Variants in STARD9 observed in about 807,000 individuals in gnomAD.
STARD9 encodes the protein StAR related lipid transfer domain containing 9, also known as stAR-related lipid transfer protein 9.
STARD9 carries 346 observed loss-of-function variants against 399.8 expected under a neutral mutation model. That is an observed-to-expected ratio of 0.87 (90% CI 0.79 to 0.95). The LOEUF (loss-of-function observed/expected upper bound fraction) is 0.95. Among genes scored for constraint, STARD9 ranks in the 40% least tolerant of loss-of-function variants. STARD9 has a pLI of 0.00. For missense variants in STARD9, 5,832 were observed against 5,667.5 expected (o/e 1.03, Z -0.93); for synonymous variants, 2,203 against 2,143.5 (o/e 1.03, Z -0.77).
At position 42,651,141 on chromosome 15, in the gene STARD9, T is replaced by A. The variant is rs2059755112; in HGVS notation, c.629+56T>A. 7 of 1,284,326 alleles carry A rather than the reference T, an allele frequency of 5.5e-6. No individual in the cohort carries two copies. In the South Asian group the frequency reaches 9.2e-5, roughly 17 times the overall value. 79.6% of individuals were successfully genotyped at this position (1,284,326 alleles called of 1,614,324 possible). On this transcript the variant is annotated intron_variant, in intron 8 of 32. Transcript: ENST00000290607. ...TTATCCTCACACTCCTATCCTGTGT[T>A]CCCATTTCCCTTTGGGGAGTGTATA...
intron 4 of STARD9, among the ~76,000 whole-genome samples, chr15:42,637,692 T>G (rs891113298): frequency 6.6e-6 from 1 of 152,168 alleles, no homozygotes; most frequent in Non-Finnish European, 1.5e-5. Context: ...GTGATACATA[T>G]TCCTCTCATT....
At position 42,684,935 on chromosome 15, in the gene STARD9, C is replaced by A; in HGVS notation, c.3357C>A (p.Ala1119=). 1 of 1,537,026 alleles carries A rather than the reference C, an allele frequency of 6.5e-7. No individual in the cohort carries two copies. The highest frequency in any genetic ancestry group is 1.4e-5 in the African/African-American group (1 of 73,150). The change falls in exon 23 of 33, where the codon GCC becomes GCA. Residue 1119 remains alanine, a synonymous_variant. Coordinates refer to ENST00000290607, the MANE Select transcript of STARD9 (RefSeq NM_020759.3). ...CTCTCTCATGTGTCTATGCCAAAGCCCTGATAGAGCCACTGAAGCCAGAGG... is the reference window on the plus strand; with the variant it reads ...CTCTCTCATGTGTCTATGCCAAAGCACTGATAGAGCCACTGAAGCCAGAGG... ...LDSLSCVYAK[A]LIEPLKPEER... is the part of the protein sequence containing the mutation.
intron 3 of STARD9, among the ~76,000 whole-genome samples, chr15:42,628,212 CT>C (rs1487131825): frequency 2.0e-5 from 3 of 152,084 alleles, no homozygotes; most frequent in Non-Finnish European, 4.4e-5. Context: ...TTTTATATGT[CT>C]GTCATTTGTA....
intron 26 of STARD9, 61 bp downstream of exon 26, chr15:42,695,941 C>T: frequency 6.7e-7 from 1 of 1,493,724 alleles, no homozygotes; most frequent in South Asian, 1.3e-5. Flanking sequence ...AGAGTTTGAG[C>T]AGGACGCTGT....
chr15:42,597,998 A>ATGTGTGTG (rs770352086), intron 3 of STARD9, among the ~76,000 whole-genome samples: 19,459 of 111,582 alleles, frequency 0.17, 2,041 homozygotes, highest in Non-Finnish European at 0.22. Context: ...TTGTATATAT[A>ATGTGTGTG]TATGTGTGTG....
intron 26 of STARD9, among the ~76,000 whole-genome samples, chr15:42,712,096 T>TATATATATATAAAATATAA (rs1566966126): frequency 0.014 from 7 of 508 alleles, no homozygotes; most frequent in African/African-American, 0.025. Flanking sequence ...TATATATATA[T>TATATATATATAAAATATAA]AATATATAAT....
At chr15:42,638,286 T>C in intron 6 of STARD9, 199 bp downstream of exon 6, 2 of 610,102 alleles carry the variant, frequency 3.3e-6, no homozygotes. Flanking sequence ...ACCCATAGAC[T>C]TAACAAGCAG....
At chr15:42,663,721 C>A in intron 12 of STARD9, 99 bp from the exon 13 acceptor site, 1 of 971,236 alleles carries the variant, frequency 1.0e-6, no homozygotes, top group Non-Finnish European at 1.6e-6. Flanking sequence ...CTCATTTCAT[C>A]AGGGGTCTTA....
chr15:42,704,948 G>A (rs942798816), intron 26 of STARD9, among the ~76,000 whole-genome samples: 1 of 152,344 alleles, frequency 6.6e-6, no homozygotes, highest in East Asian at 1.9e-4. Flanking sequence ...CAAGGCCCAG[G>A]CTGCTACCAT....
intron 3 of STARD9, among the ~76,000 whole-genome samples, chr15:42,620,830 C>T (rs2059078053): frequency 6.6e-6 from 1 of 152,000 alleles, no homozygotes; most frequent in Non-Finnish European, 1.5e-5. Context: ...TCTTGGCTCA[C>T]TGCAACCTCC....
chr15:42,693,729 C>G lies in STARD9; in HGVS notation c.12151C>G (p.Gln4051Glu). Residue 4051 changes from glutamine to glutamate, a missense_variant, in exon 23 of 33, where the codon CAG becomes GAG. Physicochemically the swap from Gln to Glu is conservative, Grantham distance 29 (BLOSUM62 2). This residue lies in a region of STARD9 where 5,828 missense variants were observed against 5,651.1 expected (regional missense o/e 1.03). Coordinates refer to ENST00000290607, the MANE Select transcript of STARD9 (RefSeq NM_020759.3). ...HCPLSGREPS[Q>E]WQSRTENGGE... Reference sequence around the variant, plus strand: ...CCCACTGAGCGGTAGGGAGCCAAGTCAGTGGCAGAGCAGGACAGAAAATGG... The same window carrying G: ...CCCACTGAGCGGTAGGGAGCCAAGTGAGTGGCAGAGCAGGACAGAAAATGG... 6.5e-7 allele frequency: 1 copy of G among 1,536,922 alleles called. No homozygotes were observed. Among genetic ancestry groups the G allele is most frequent in the Non-Finnish European group, 8.7e-7 (1 of 1,146,898 alleles).
chr15:42,621,663 C>T (rs1205515198), intron 3 of STARD9, among the ~76,000 whole-genome samples: 3 of 152,176 alleles, frequency 2.0e-5, no homozygotes, highest in African/African-American at 7.2e-5. Context: ...TGAAACTTGG[C>T]TACTTGTTAC....
chr15:42,655,833 A>G (rs949559988), intron 9 of STARD9, among the ~76,000 whole-genome samples: 3 of 152,212 alleles, frequency 2.0e-5, no homozygotes, highest in African/African-American at 7.2e-5. Context: ...TATGCATCCT[A>G]CGAAGGACTA....
chr15:42,694,292 G>T lies in STARD9; in HGVS notation c.12714G>T (p.Ala4238=). The T allele has an allele frequency of 1.3e-6, 2 of 1,517,354 alleles. No homozygotes were observed. Among genetic ancestry groups the T allele is most frequent in the Non-Finnish European group, 1.8e-6 (2 of 1,136,590 alleles). The allele number at this position is 1,517,354 out of a possible 1,614,324, so 94.0% of individuals were successfully genotyped here. A position where few individuals can be genotyped will look rare whatever the true frequency, so the allele number is the denominator to read the frequency against. ...LQVLQSGTGE[A]LAADEPVTST... ...TGCTGCAGAGTGGGACAGGGGAGGC[G>T]CTTGCTGCTGATGAACCTGTGACAT... The change falls in exon 23 of 33, where the codon GCG becomes GCT. Residue 4238 remains alanine (A), a synonymous_variant. Coordinates refer to ENST00000290607, the MANE Select transcript of STARD9 (RefSeq NM_020759.3).
At chr15:42,615,999 T>C (rs967818762) in intron 3 of STARD9, among the ~76,000 whole-genome samples, 2 of 152,164 alleles carry the variant, frequency 1.3e-5, no homozygotes, top group Non-Finnish European at 2.9e-5. Flanking sequence ...ATTTGAGTAC[T>C]TCAATGAGTA....
chr15:42,683,928 C>T (rs2060488871), intron 22 of STARD9, among the ~76,000 whole-genome samples, 188 bp from the exon 23 acceptor site: 1 of 152,154 alleles, frequency 6.6e-6, no homozygotes, highest in Non-Finnish European at 1.5e-5. Context: ...AATTGAGGAA[C>T]AGAGTGGGCC....
In STARD9 at chr15:42,661,160, A is replaced by C; in HGVS notation, c.705A>C (p.Ala235=). ...HAIFTIHYTQ[A]ILENNLPSEM... ...GCTTTAAATGTTTTCTCCTCTAGGC[A>C]ATCCTGGAGAACAACCTCCCTTCTG... The change falls in exon 10 of 33, where the codon GCA becomes GCC. Residue 235 remains alanine, a splice_region_variant and synonymous_variant. Transcript: ENST00000290607. The C allele has an allele frequency of 6.5e-7, 1 of 1,535,600 alleles. No homozygotes were observed. The highest frequency in any genetic ancestry group is 8.7e-7 in the Non-Finnish European group (1 of 1,145,464).
chr15:42,634,224 G>C (rs1051696249), intron 3 of STARD9, among the ~76,000 whole-genome samples: 1 of 152,146 alleles, frequency 6.6e-6, no homozygotes, highest in African/African-American at 2.4e-5. Context: ...CCTGAGACCA[G>C]AGTCTGCCTA....
At chr15:42,667,902 G>A (rs2060133901) in intron 15 of STARD9, among the ~76,000 whole-genome samples, 1 of 152,182 alleles carries the variant, frequency 6.6e-6, no homozygotes, top group African/African-American at 2.4e-5. Context: ...TAAACCTCAA[G>A]ACTAAATCAC....
Sources: gnomAD v4.1 joint callset for allele counts (sites outside exome capture counted in the v4.1 genomes callset) on GRCh38, gnomAD v4.1.1 for gene constraint, gnomAD v4.1.1 regional missense constraint, MANE v1.5 for transcripts, NCBI Gene and HGNC (gene_info 2026-07-23, HGNC 2026-07-21) for gene names.